TEDC2: variants seen among roughly 807,000 people sequenced by gnomAD.
The protein encoded by TEDC2 is tubulin epsilon and delta complex protein 2.
A neutral mutation model predicts 48.1 loss-of-function variants in TEDC2; 49 were observed. The observed-to-expected ratio is 1.02, with a 90% confidence interval of 0.81 to 1.29. The LOEUF is 1.29. Ranked by LOEUF, TEDC2 falls within the 50% of genes most tolerant of loss-of-function variation. The pLI is 0.00. For missense variants in TEDC2, 631 were observed against 571.4 expected (o/e 1.10, Z -1.06); for synonymous variants, 299 against 247.1 (o/e 1.21, Z -1.97).
chr16:2,462,756 C>T (rs1268027819), intron 8 of TEDC2, 24 bp downstream of exon 8: 1 of 1,521,148 alleles, frequency 6.6e-7, no homozygotes, highest in Non-Finnish European at 8.8e-7. Context: ...CCCACCCTGC[C>T]ACCTGCACTG....
chr16:2,461,632 T>TACC, intron 4 of TEDC2, 115 bp from the exon 5 acceptor site: 1 of 1,276,082 alleles, frequency 7.8e-7, no homozygotes. Context: ...CTTGGTGGGG[T>TACC]CGGGTGTGGG....
chr16:2,462,213 C>G lies in TEDC2; in HGVS notation c.724C>G (p.Gln242Glu). 1 of 1,613,448 alleles carries G rather than the reference C, an allele frequency of 6.2e-7. No homozygotes were observed. Among genetic ancestry groups the G allele is most frequent in the South Asian group, 1.1e-5 (1 of 91,092 alleles). The change falls in exon 6 of 10, where the codon CAG (glutamine) becomes GAG (glutamate). Residue 242 changes from glutamine to glutamate, a missense_variant. By Grantham distance (29) the Gln-to-Glu change is conservative (BLOSUM62 2). Transcript: ENST00000361837. The stretch of plus-strand genomic sequence containing the variant: ...CACGGATGCCGCCGCTGCCAAAACC[C>G]AGTTCCTCCAGAACATGCAGACAGC... ...DSTDAAAAKTQFLQNMQTASG... is the reference protein window; with the variant it reads ...DSTDAAAAKTEFLQNMQTASG...
chr16:2,461,320 A>C, intron 4 of TEDC2, 96 bp downstream of exon 4: 1 of 1,381,550 alleles, frequency 7.2e-7, no homozygotes, highest in Non-Finnish European at 9.6e-7. Flanking sequence ...CAGGGAAGGC[A>C]GGGCATCGAG....
In TEDC2 at chr16:2,464,230, G is replaced by A. The variant is rs1390604257; in HGVS notation, c.1155+1G>A. The stretch of plus-strand genomic sequence containing the variant: ...GGACCAGCAGATCCACTTGGAAAAG[G>A]TGCTTCTGGAAGAGGAGGTGGGGGT... On this transcript the variant is annotated splice_donor_variant, in intron 9 of 9. Coordinates refer to ENST00000361837, the MANE Select transcript of TEDC2 (RefSeq NM_025108.3). LOFTEE classifies it high-confidence loss of function. 5 of 1,611,074 alleles carry A rather than the reference G, an allele frequency of 3.1e-6. No homozygotes were observed. Among genetic ancestry groups the A allele is most frequent in the Non-Finnish European group, 4.2e-6 (5 of 1,179,246 alleles).
chr16:2,464,407 T>G, intron 9 of TEDC2, 115 bp from the exon 10 acceptor site: 1 of 1,347,572 alleles, frequency 7.4e-7, no homozygotes, highest in Non-Finnish European at 1.0e-6. Context: ...GGAGGGAGCC[T>G]GGAGCCTCAG....
intron 6 of TEDC2, 70 bp from the exon 7 acceptor site, chr16:2,462,344 TC>T: frequency 6.3e-7 from 1 of 1,597,438 alleles, no homozygotes; most frequent in East Asian, 2.2e-5. Flanking sequence ...CCAGGGCCAC[TC>T]CCCAGGCCCC....
Position 2,460,134 on chromosome 16 carries a change from C to T in TEDC2, c.-11C>T, listed in dbSNP as rs532983159. The T allele has an allele frequency of 5.9e-5, 80 of 1,349,258 alleles. 1 individual carries two copies. In the African/African-American group the frequency reaches 9.8e-4, roughly 17 times the overall value. The allele number at this position is 1,349,258 out of a possible 1,614,324, so 83.6% of individuals were successfully genotyped here. ...AGAGGCGGCAAATTGCAAGGAGACG[C>T]CGCCGCCTTCATGCTGCCGGCGGGC... On this transcript the variant is annotated 5_prime_UTR_variant, in exon 1 of 10. Coordinates refer to ENST00000361837, the MANE Select transcript of TEDC2 (RefSeq NM_025108.3).
chr16:2,461,340 A>G lies in TEDC2; in HGVS notation c.605+116A>G, dbSNP rs9923927. On this transcript the variant is annotated intron_variant, in intron 4 of 9. Transcript: ENST00000361837. The stretch of plus-strand genomic sequence containing the variant: ...AAGGCAGGGCATCGAGCCCTGTGGC[A>G]TACCCCTGAGGCTCATGCTCAGAAG... The G allele has an allele frequency of 0.015, 19,279 of 1,305,176 alleles. 2,157 individuals carry two copies. In the African/African-American group the frequency reaches 0.25, roughly 17 times the overall value. 80.8% of individuals were successfully genotyped at this position (1,305,176 alleles called of 1,614,324 possible).
intron 2 of TEDC2, 40 bp downstream of exon 2, chr16:2,460,421 G>T (rs924768823): frequency 1.0e-5 from 16 of 1,541,542 alleles, no homozygotes; most frequent in Non-Finnish European, 1.3e-5. Flanking sequence ...CCTCCCTCGG[G>T]CCCTCAGAGT....
chr16:2,463,907 G>A (rs2141840144), intron 8 of TEDC2, 132 bp from the exon 9 acceptor site: 1 of 993,490 alleles, frequency 1.0e-6, no homozygotes. Context: ...CTTGCATGGG[G>A]CTGTCCTGAA....
Position 2,464,737 on chromosome 16 carries a change from G to A in TEDC2, c.*69G>A. 3 of 1,588,476 alleles carry A rather than the reference G, an allele frequency of 1.9e-6. No individual in the cohort carries two copies. Among genetic ancestry groups the A allele is most frequent in the Non-Finnish European group, 2.6e-6 (3 of 1,167,494 alleles). On this transcript the variant is annotated 3_prime_UTR_variant, in exon 10 of 10. Transcript: ENST00000361837. The stretch of plus-strand genomic sequence containing the variant: ...GGTGTCTTCCCTGGCACTGTGCTCG[G>A]GGACCCAGAGATGCCTGTGCTTCCC...
intron 8 of TEDC2, among the ~76,000 whole-genome samples, chr16:2,462,984 C>G (rs1198834105): frequency 2.6e-5 from 4 of 152,220 alleles, no homozygotes; most frequent in Non-Finnish European, 4.4e-5. Flanking sequence ...CACACAGAAC[C>G]TCATTGCTCT....
In TEDC2 at chr16:2,461,180, C is replaced by T. The variant is rs767678286; in HGVS notation, c.561C>T (p.Ser187=). 9.3e-6 allele frequency: 14 copies of T among 1,509,616 alleles called. No homozygotes were observed. Among genetic ancestry groups the T allele is most frequent in the Admixed American group, 4.6e-5 (2 of 43,246 alleles). 93.5% of individuals were successfully genotyped at this position (1,509,616 alleles called of 1,614,324 possible). Residue 187 remains serine, a synonymous_variant, in exon 4 of 10, where the codon TCC becomes TCT. Coordinates refer to ENST00000361837, the MANE Select transcript of TEDC2 (RefSeq NM_025108.3). ...AGLRDQQMAP[S]AAPQAPEAFT... Reference sequence around the variant, plus strand: ...TCAGGGACCAGCAAATGGCCCCATCCGCTGCTCCTCAGGCCCCAGAAGCCT... The same window carrying T: ...TCAGGGACCAGCAAATGGCCCCATCTGCTGCTCCTCAGGCCCCAGAAGCCT...
chr16:2,461,734 G>A lies in TEDC2; in HGVS notation c.606-13G>A, dbSNP rs2065468009. 3.1e-6 allele frequency: 5 copies of A among 1,613,130 alleles called. No individual in the cohort carries two copies. The highest frequency in any genetic ancestry group is 4.2e-6 in the Non-Finnish European group (5 of 1,179,970). Reference sequence around the variant, plus strand: ...CAAGGCGATGCTCCTCTGAACACGGGCTTCTCCGACAGGCACCTGCTGCGG... The same window carrying A: ...CAAGGCGATGCTCCTCTGAACACGGACTTCTCCGACAGGCACCTGCTGCGG... On this transcript the variant is annotated splice_polypyrimidine_tract_variant and intron_variant, in intron 4 of 9. Transcript: ENST00000361837.
chr16:2,461,697 T>C (rs766173817), intron 4 of TEDC2, 50 bp from the exon 5 acceptor site: 1 of 1,608,516 alleles, frequency 6.2e-7, no homozygotes, highest in South Asian at 1.1e-5. Flanking sequence ...GTGGGACTTG[T>C]AGACCCCAGA....
In TEDC2 at chr16:2,462,132, C is replaced by T. The variant is rs2065470651; in HGVS notation, c.660-17C>T. The T allele has an allele frequency of 6.2e-7, 1 of 1,611,320 alleles. No homozygotes were observed. Among genetic ancestry groups the T allele is most frequent in the Non-Finnish European group, 8.5e-7 (1 of 1,178,992 alleles). On this transcript the variant is annotated splice_polypyrimidine_tract_variant and intron_variant, in intron 5 of 9. Coordinates refer to ENST00000361837, the MANE Select transcript of TEDC2 (RefSeq NM_025108.3). ...TCCCTCTGTGGTTCCTCTGTGCACC[C>T]CACGTGTGCACCCCAGCCTGTGGGC...
chr16:2,461,883 C>G (rs1457419250), intron 5 of TEDC2, 83 bp downstream of exon 5: 4 of 1,515,224 alleles, frequency 2.6e-6, no homozygotes, highest in Non-Finnish European at 3.7e-6. Context: ...GAGATACTTT[C>G]CAGTGGGTCT....
At position 2,462,137 on chromosome 16, in the gene TEDC2, T is replaced by G; in HGVS notation, c.660-12T>G. On this transcript the variant is annotated splice_polypyrimidine_tract_variant and intron_variant, in intron 5 of 9. Coordinates refer to ENST00000361837, the MANE Select transcript of TEDC2 (RefSeq NM_025108.3). ...CTGTGGTTCCTCTGTGCACCCCACG[T>G]GTGCACCCCAGCCTGTGGGCCCAGC... is the stretch of plus-strand genomic sequence containing the variant. 1.9e-6 allele frequency: 3 copies of G among 1,609,774 alleles called. No homozygotes were observed. The Admixed American group carries it at 5.0e-5, about 27-fold the overall frequency.
Position 2,462,188 on chromosome 16 carries a change from C to T in TEDC2, c.699C>T (p.Ser233=), listed in dbSNP as rs2065470986. The T allele has an allele frequency of 1.2e-6, 2 of 1,613,274 alleles. No individual in the cohort carries two copies. The highest frequency in any genetic ancestry group is 1.7e-5 in the Admixed American group (1 of 60,012). The part of the protein sequence containing the change: ...AQLSSTQTSD[S]TDAAAAKTQF... ...TCAGTTCCACACAGACCAGTGATTC[C>T]ACGGATGCCGCCGCTGCCAAAACCC... Residue 233 remains serine, a synonymous_variant, in exon 6 of 10, where the codon TCC becomes TCT. Coordinates refer to ENST00000361837, the MANE Select transcript of TEDC2 (RefSeq NM_025108.3).
Sources: allele counts gnomAD v4.1 joint callset (sites outside exome capture counted in the v4.1 genomes callset), GRCh38; gene constraint gnomAD v4.1.1; transcripts MANE v1.5; gene names NCBI Gene and HGNC (gene_info 2026-07-23, HGNC 2026-07-21).